CRPPA: variants seen among roughly 807,000 people sequenced by gnomAD.
The protein encoded by CRPPA is CDP-L-ribitol pyrophosphorylase A.
A neutral mutation model predicts 52.0 loss-of-function variants in CRPPA; 43 were observed. That is an observed-to-expected ratio of 0.83 (90% CI 0.65 to 1.07). The LOEUF is 1.07. Ranked by LOEUF, CRPPA falls within the 50% of genes least tolerant of loss-of-function variation. The pLI is 0.00. For missense variants in CRPPA, 629 were observed against 551.7 expected (o/e 1.14, Z -1.40); for synonymous variants, 250 against 203.5 (o/e 1.23, Z -1.94).
At chr7:16,251,030 G>A (rs925204808) in intron 8 of CRPPA, among the ~76,000 whole-genome samples, 13 of 151,280 alleles carry the variant, frequency 8.6e-5, no homozygotes, top group African/African-American at 2.7e-4. Context: ...GATAGATGAA[G>A]ATTTACCAAG....
At position 16,227,651 on chromosome 7, in the gene CRPPA, G is replaced by T. The variant is rs1213421303; in HGVS notation, c.1120-11454C>A. Among the ~76,000 whole-genome samples the T allele has an allele frequency of 8.6e-5, 13 of 151,678 alleles. 1 individual carries two copies. Among genetic ancestry groups the T allele is most frequent in the Admixed American group, 8.5e-4 (13 of 15,206 alleles). On this transcript the variant is annotated intron_variant, in intron 8 of 9. Transcript: ENST00000407010. Reference sequence around the variant, plus strand: ...TATGAGATGTATCGTTTGCATATGAGATGTATGTATAGTTCGCATATGAGA... The same window carrying T: ...TATGAGATGTATCGTTTGCATATGATATGTATGTATAGTTCGCATATGAGA...
chr7:16,396,074 A>G (rs1459756245), intron 2 of CRPPA, among the ~76,000 whole-genome samples: 1 of 152,208 alleles, frequency 6.6e-6, no homozygotes, highest in African/African-American at 2.4e-5. Context: ...TCTCACAAGT[A>G]AAATTTCTTT....
rs920912447 is a variant in CRPPA at position 16,357,210 on chromosome 7, G to A, written c.684+18882C>T. On this transcript the variant is annotated intron_variant, in intron 3 of 9. Coordinates refer to ENST00000407010, the MANE Select transcript of CRPPA (RefSeq NM_001101426.4). The stretch of plus-strand genomic sequence containing the variant: ...TTATTTATTTTTGAGACAGAGTCTC[G>A]CTCTACCACCCAGGCTAGAGTGCAG... 3.2e-4 allele frequency among the ~76,000 whole-genome samples: 48 copies of A among 150,918 alleles called. 1 individual carries two copies. The highest frequency in any genetic ancestry group is 9.7e-4 in the East Asian group (5 of 5,164).
intron 9 of CRPPA, among the ~76,000 whole-genome samples, chr7:16,170,421 C>T (rs530666279): frequency 5.3e-5 from 8 of 152,152 alleles, no homozygotes; most frequent in Non-Finnish European, 8.8e-5. Flanking sequence ...TTCTGATGTT[C>T]GGAGTTTCTT....
chr7:16,286,910 C>G (rs1002813248), intron 5 of CRPPA, among the ~76,000 whole-genome samples: 1 of 152,092 alleles, frequency 6.6e-6, no homozygotes, highest in African/African-American at 2.4e-5. Context: ...TGTAATACAA[C>G]CCTTGTAAGT....
chr7:16,282,087 A>G (rs1365883108), intron 5 of CRPPA, among the ~76,000 whole-genome samples: 2 of 151,940 alleles, frequency 1.3e-5, no homozygotes, highest in African/African-American at 2.4e-5. Flanking sequence ...TCCTTCCACT[A>G]TCTTTTGAGT....
chr7:16,254,792 G>GGAAAGAAAGAAA (rs56908194), intron 8 of CRPPA, among the ~76,000 whole-genome samples: 1,347 of 101,710 alleles, frequency 0.013, 13 homozygotes, highest in East Asian at 0.052. Context: ...AAAGAAAGAA[G>GGAAAGAAAGAAA]GAAAGAAAGA....
chr7:16,112,263 C>T (rs576275862), intron 9 of CRPPA, among the ~76,000 whole-genome samples: 12 of 151,606 alleles, frequency 7.9e-5, no homozygotes, highest in Admixed American at 6.6e-4. Flanking sequence ...TGCAGTAAGC[C>T]GAGATTGTGC....
At chr7:16,236,247 T>C (rs181290819) in intron 8 of CRPPA, among the ~76,000 whole-genome samples, 1 of 152,094 alleles carries the variant, frequency 6.6e-6, no homozygotes, top group Non-Finnish European at 1.5e-5. Flanking sequence ...TACTACTCAG[T>C]AGGCAGAGGA....
intron 6 of CRPPA, among the ~76,000 whole-genome samples, chr7:16,264,039 G>C (rs182475982): frequency 6.6e-6 from 1 of 152,100 alleles, no homozygotes; most frequent in Non-Finnish European, 1.5e-5. Context: ...TTCCAGCTCA[G>C]TGTAATTCTT....
chr7:16,405,993 A>G (rs1452143364), intron 2 of CRPPA, 68 bp downstream of exon 2: 2 of 1,411,410 alleles, frequency 1.4e-6, no homozygotes, highest in African/African-American at 1.4e-5. Flanking sequence ...GAATTGAATC[A>G]AAATTCAGCA....
At chr7:16,159,827 A>C (rs545909147) in intron 9 of CRPPA, among the ~76,000 whole-genome samples, 29 of 152,296 alleles carry the variant, frequency 1.9e-4, no homozygotes, top group African/African-American at 6.3e-4. Flanking sequence ...TCCCACCAAC[A>C]GTGTAAAAGT....
At chr7:16,229,380 C>T (rs997500996) in intron 8 of CRPPA, among the ~76,000 whole-genome samples, 4 of 151,818 alleles carry the variant, frequency 2.6e-5, no homozygotes, top group African/African-American at 9.7e-5. Context: ...TCCTTTGTGG[C>T]CAAGTAAATT....
chr7:16,183,464 T>C (rs759000312), intron 9 of CRPPA, among the ~76,000 whole-genome samples: 9 of 152,200 alleles, frequency 5.9e-5, no homozygotes, highest in Non-Finnish European at 1.2e-4. Context: ...ACTTGCCTTA[T>C]GGACTGAACA....
intron 6 of CRPPA, chr7:16,269,584 G>A (rs1455982282): frequency 6.6e-6 from 1 of 152,110 alleles, no homozygotes; most frequent in South Asian, 2.1e-4. Context: ...CAACGTAAGA[G>A]AGAAAGGTAA....
intron 8 of CRPPA, among the ~76,000 whole-genome samples, chr7:16,223,692 A>T (rs1193318071): frequency 6.6e-6 from 1 of 152,198 alleles, no homozygotes; most frequent in African/African-American, 2.4e-5. Flanking sequence ...ATTTTAATTT[A>T]AAAAAACAGA....
At chr7:16,145,784 GA>G (rs143337743) in intron 9 of CRPPA, among the ~76,000 whole-genome samples, 3,544 of 151,932 alleles carry the variant, frequency 0.023, 125 homozygotes, top group African/African-American at 0.08. Context: ...AGGAAAAAAA[GA>G]AAAGAAAAAG....
intron 9 of CRPPA, among the ~76,000 whole-genome samples, chr7:16,182,530 T>C (rs1303180022): frequency 6.6e-6 from 1 of 152,132 alleles, no homozygotes; most frequent in Admixed American, 6.6e-5. Flanking sequence ...TCATAAATTA[T>C]CCAAAACAAA....
At chr7:16,334,751 A>C (rs1364883570) in intron 3 of CRPPA, among the ~76,000 whole-genome samples, 1 of 152,160 alleles carries the variant, frequency 6.6e-6, no homozygotes, top group Non-Finnish European at 1.5e-5. Context: ...GAAGCAACCG[A>C]GCCCAATTAG....
Sources: allele counts gnomAD v4.1 joint callset (sites outside exome capture counted in the v4.1 genomes callset), GRCh38; gene constraint gnomAD v4.1.1; transcripts MANE v1.5; gene names NCBI Gene and HGNC (gene_info 2026-07-23, HGNC 2026-07-21).